The following CSTPP1 variants were observed in gnomAD, a reference collection of about 807,000 sequenced individuals.
The protein encoded by CSTPP1 is centriolar satellite-associated tubulin polyglutamylase complex regulator 1.
chr11:47,020,605 CTA>C, the CSTPP1 span, among the ~76,000 whole-genome samples: 5,948 of 152,118 alleles, frequency 0.039, 353 homozygotes, highest in African/African-American at 0.13. Context: ...GGGAAGAAAA[CTA>C]TCTTTCCAAT....
chr11:47,005,349 T>C, the CSTPP1 span, among the ~76,000 whole-genome samples: 1 of 152,200 alleles, frequency 6.6e-6, no homozygotes, highest in Non-Finnish European at 1.5e-5. Flanking sequence ...TCAAATGTGC[T>C]CTATATTAAT....
the CSTPP1 span, among the ~76,000 whole-genome samples, chr11:47,101,810 T>A: frequency 1.3e-4 from 20 of 152,130 alleles, no homozygotes; most frequent in Non-Finnish European, 2.1e-4. Flanking sequence ...TATAAATTTT[T>A]CTTAGAGGTC....
chr11:46,961,397 C>T, the CSTPP1 span, among the ~76,000 whole-genome samples: 3 of 152,096 alleles, frequency 2.0e-5, no homozygotes, highest in Non-Finnish European at 4.4e-5. Context: ...TCTTTTGCCT[C>T]TTTTTAATTG....
the CSTPP1 span, among the ~76,000 whole-genome samples, chr11:47,051,556 C>T: frequency 6.6e-6 from 1 of 152,058 alleles, no homozygotes; most frequent in African/African-American, 2.4e-5. Context: ...TGGGATTTGT[C>T]TCTGGGGTTA....
chr11:47,128,122 G>A, the CSTPP1 span, among the ~76,000 whole-genome samples: 7 of 151,980 alleles, frequency 4.6e-5, no homozygotes, highest in South Asian at 1.0e-3. Context: ...TGATCTGCCC[G>A]CCTCTGGCTC....
the CSTPP1 span, among the ~76,000 whole-genome samples, chr11:47,062,390 A>G: frequency 7.2e-5 from 11 of 152,278 alleles, no homozygotes; most frequent in African/African-American, 2.2e-4. Context: ...ATTTTATCAG[A>G]GGATAGGTTA....
the CSTPP1 span, among the ~76,000 whole-genome samples, chr11:46,938,720 T>C: frequency 4.1e-3 from 624 of 152,118 alleles, no homozygotes; most frequent in African/African-American, 0.015. Flanking sequence ...TTTCTTTTTA[T>C]TTCTGAATAA....
At chr11:47,058,835 T>C in the CSTPP1 span, among the ~76,000 whole-genome samples, 1 of 152,312 alleles carries the variant, frequency 6.6e-6, no homozygotes, top group East Asian at 1.9e-4. Flanking sequence ...CAGCGTGTTA[T>C]GCATCAACAC....
the CSTPP1 span, among the ~76,000 whole-genome samples, chr11:46,943,756 C>G: frequency 6.6e-6 from 1 of 152,168 alleles, no homozygotes; most frequent in African/African-American, 2.4e-5. Context: ...GTCATGGTGG[C>G]TTACGCCTAT....
the CSTPP1 span, among the ~76,000 whole-genome samples, chr11:47,146,365 C>G: frequency 1.4e-5 from 1 of 73,834 alleles, no homozygotes; most frequent in African/African-American, 5.1e-5. Flanking sequence ...AACTCTGTCT[C>G]AAAAAAAAAA....
chr11:47,137,075 T>C, the CSTPP1 span, among the ~76,000 whole-genome samples: 20 of 152,180 alleles, frequency 1.3e-4, no homozygotes, highest in Non-Finnish European at 1.5e-5. Context: ...CTTCCTATAA[T>C]AGGATGACCA....
the CSTPP1 span, among the ~76,000 whole-genome samples, chr11:46,985,384 A>G: frequency 1.3e-5 from 2 of 152,110 alleles, no homozygotes; most frequent in African/African-American, 4.8e-5. Context: ...ATTCCATCAT[A>G]TTTTCCTGAG....
At chr11:47,114,144 G>A in the CSTPP1 span, among the ~76,000 whole-genome samples, 1 of 152,288 alleles carries the variant, frequency 6.6e-6, no homozygotes, top group East Asian at 1.9e-4. Context: ...GTTTGTCAAA[G>A]ATCAGATGGT....
At chr11:47,064,530 C>T in the CSTPP1 span, among the ~76,000 whole-genome samples, 1 of 152,218 alleles carries the variant, frequency 6.6e-6, no homozygotes, top group Middle Eastern at 3.4e-3. Context: ...CATTCTTTTG[C>T]ACGTGCATAT....
At chr11:47,024,262 C>T in the CSTPP1 span, among the ~76,000 whole-genome samples, 1 of 151,984 alleles carries the variant, frequency 6.6e-6, no homozygotes, top group Non-Finnish European at 1.5e-5. Flanking sequence ...CGGGACCTCA[C>T]CATGTTACCC....
the CSTPP1 span, among the ~76,000 whole-genome samples, chr11:47,038,262 G>A: frequency 1.7e-3 from 192 of 113,072 alleles, 25 homozygotes; most frequent in Non-Finnish European, 3.6e-3. Flanking sequence ...CGGATGGGGC[G>A]GCTGGCCGGG....
the CSTPP1 span, among the ~76,000 whole-genome samples, chr11:47,077,910 GA>G: frequency 7.9e-5 from 12 of 152,028 alleles, no homozygotes; most frequent in Non-Finnish European, 7.4e-5. Flanking sequence ...CACAAACCGA[GA>G]AAGAAATAAT....
chr11:47,036,179 AAT>A, the CSTPP1 span, among the ~76,000 whole-genome samples: 1 of 56,128 alleles, frequency 1.8e-5, no homozygotes, highest in African/African-American at 5.8e-5. Context: ...ATAATATATA[AAT>A]ATATATTTAT....
the CSTPP1 span, among the ~76,000 whole-genome samples, chr11:46,995,966 T>G: frequency 2.0e-5 from 3 of 152,184 alleles, no homozygotes; most frequent in African/African-American, 7.2e-5. Flanking sequence ...TGCTCCTGTA[T>G]TGGGTGCGTA....
Sources: gnomAD v4.1 joint callset for allele counts (sites outside exome capture counted in the v4.1 genomes callset) on GRCh38, gnomAD v4.1.1 for gene constraint, MANE v1.5 for transcripts, NCBI Gene and HGNC (gene_info 2026-07-23, HGNC 2026-07-21) for gene names.